Variants in PPP1R13B observed in about 807,000 individuals in gnomAD.
The protein encoded by PPP1R13B is protein phosphatase 1 regulatory subunit 13B.
In PPP1R13B, 44 loss-of-function variants were observed where a neutral mutation model predicts 119.8. That is an observed-to-expected ratio of 0.37 (90% confidence interval 0.29 to 0.47). The LOEUF is 0.47. PPP1R13B is among the 20% of genes least tolerant of loss of function. The pLI is 0.99. For missense variants in PPP1R13B, 1,227 were observed against 1,413.5 expected (o/e 0.87, Z 2.12); for synonymous variants, 542 against 561.5 (o/e 0.97, Z 0.49).
At chr14:103,741,386 G>A (rs1271724247) in intron 11 of PPP1R13B, among the ~76,000 whole-genome samples, 1 of 152,186 alleles carries the variant, frequency 6.6e-6, no homozygotes, top group African/African-American at 2.4e-5. Context: ...TCCTTAAACT[G>A]CCCATGCCCA....
chr14:103,821,078 T>C (rs1030105640), intron 1 of PPP1R13B, among the ~76,000 whole-genome samples: 1 of 152,150 alleles, frequency 6.6e-6, no homozygotes, highest in African/African-American at 2.4e-5. Context: ...TCCAACACTC[T>C]TTCCCCATTT....
At chr14:103,755,830 G>C (rs1264210143) in intron 5 of PPP1R13B, among the ~76,000 whole-genome samples, 1 of 152,116 alleles carries the variant, frequency 6.6e-6, no homozygotes, top group Non-Finnish European at 1.5e-5. Flanking sequence ...ATGGGATAAA[G>C]TACTTTCCAA....
At chr14:103,846,574 T>C (rs547294801) in intron 1 of PPP1R13B, among the ~76,000 whole-genome samples, 10 of 152,268 alleles carry the variant, frequency 6.6e-5, no homozygotes, top group African/African-American at 2.4e-4. Context: ...AAAAAGCCAA[T>C]TTTTAAAAAT....
At position 103,737,868 on chromosome 14, in the gene PPP1R13B, A is replaced by G; in HGVS notation, c.2865-8T>C. ...GCGCAGTGCAGCGGCGTCCTGGAAT[A>G]GAGCGTGGGTGAAGGTGCAGGCCTG... On this transcript the variant is annotated splice_polypyrimidine_tract_variant and splice_region_variant and intron_variant, in intron 14 of 16. Transcript: ENST00000202556. 1 of 1,611,890 alleles carries G rather than the reference A, an allele frequency of 6.2e-7. No individual in the cohort carries two copies. Among genetic ancestry groups the G allele is most frequent in the Non-Finnish European group, 8.5e-7 (1 of 1,178,930 alleles).
At chr14:103,795,422 G>A (rs1259650349) in intron 2 of PPP1R13B, among the ~76,000 whole-genome samples, 1 of 152,132 alleles carries the variant, frequency 6.6e-6, no homozygotes, top group African/African-American at 2.4e-5. Context: ...GTGACTCTGT[G>A]CTCCAGGGTG....
chr14:103,832,598 C>T (rs902699927), intron 1 of PPP1R13B, among the ~76,000 whole-genome samples: 1 of 152,216 alleles, frequency 6.6e-6, no homozygotes, highest in Non-Finnish European at 1.5e-5. Context: ...TAAGGGACTA[C>T]TCTCTTCAAC....
At chr14:103,831,542 C>T (rs1187400061) in intron 1 of PPP1R13B, among the ~76,000 whole-genome samples, 1 of 150,550 alleles carries the variant, frequency 6.6e-6, no homozygotes. Flanking sequence ...AACTCCTGAC[C>T]TCAAGTGATC....
chr14:103,756,105 T>C (rs1437628955), intron 5 of PPP1R13B, among the ~76,000 whole-genome samples: 1 of 152,082 alleles, frequency 6.6e-6, no homozygotes, highest in Non-Finnish European at 1.5e-5. Context: ...CTTTTTTTTT[T>C]TCATTTTGAG....
At position 103,767,012 on chromosome 14, in the gene PPP1R13B, T is replaced by C. The variant is rs534604333; in HGVS notation, c.355-9261A>G. ...AATGAGAACTCTATAGGCAACTCTT[T>C]ATTTTTGGAAGATTATGAGAAGTGA... On this transcript the variant is annotated intron_variant, in intron 4 of 16. Coordinates refer to ENST00000202556, the MANE Select transcript of PPP1R13B (RefSeq NM_015316.3). 3.3e-5 allele frequency among the ~76,000 whole-genome samples: 5 copies of C among 152,336 alleles called. No homozygotes were observed. The South Asian group carries it at 1.0e-3, about 32-fold the overall frequency.
intron 4 of PPP1R13B, among the ~76,000 whole-genome samples, chr14:103,764,649 A>G (rs2084895317): frequency 6.6e-6 from 1 of 152,092 alleles, no homozygotes; most frequent in Non-Finnish European, 1.5e-5. Context: ...AGATTTGTCT[A>G]TATGTGTTAA....
intron 1 of PPP1R13B, among the ~76,000 whole-genome samples, chr14:103,830,943 ATT>A (rs34201103): frequency 1.8e-3 from 250 of 142,324 alleles, no homozygotes; most frequent in African/African-American, 5.8e-3. Context: ...TACTCAAGTA[ATT>A]TTTTTTTTTT....
In PPP1R13B at chr14:103,738,789, G is replaced by A. The variant is rs374338383; in HGVS notation, c.2754C>T (p.Asn918=). The stretch of plus-strand genomic sequence containing the variant: ...TGTGCAGTGGGGTGATCCCTTCGTC[G>A]TTGGGCTTGCTGGGATCTTCCACCT... ...IYEVEDPSKP[N]DEGITPLHNA... is the part of the protein sequence containing the mutation. Residue 918 remains asparagine (N), a synonymous_variant, in exon 14 of 17, where the codon AAC becomes AAT. Transcript: ENST00000202556. The surrounding 1 kb of genome is among the most constrained non-coding windows in gnomAD (Gnocchi z 5.6). The A allele has an allele frequency of 7.6e-5, 122 of 1,614,054 alleles. No individual in the cohort carries two copies. The highest frequency in any genetic ancestry group is 9.5e-5 in the Non-Finnish European group (112 of 1,180,050).
At chr14:103,757,842 T>C in intron 4 of PPP1R13B, 91 bp from the exon 5 acceptor site, 3 of 1,040,086 alleles carry the variant, frequency 2.9e-6, no homozygotes, top group East Asian at 2.4e-5. Context: ...GGACTTTAGA[T>C]AGGATCCCTA....
intron 4 of PPP1R13B, among the ~76,000 whole-genome samples, chr14:103,766,597 T>G (rs1328501341): frequency 6.6e-6 from 1 of 152,210 alleles, no homozygotes. Context: ...CTAAATCATA[T>G]GAAAATACTG....
At chr14:103,824,124 C>T (rs887105578) in intron 1 of PPP1R13B, among the ~76,000 whole-genome samples, 34 of 136,072 alleles carry the variant, frequency 2.5e-4, no homozygotes, top group Non-Finnish European at 4.4e-4. Context: ...CGGCTCATTG[C>T]GACCTCCACC....
intron 1 of PPP1R13B, among the ~76,000 whole-genome samples, chr14:103,815,479 A>T (rs2086255891): frequency 6.6e-6 from 1 of 152,166 alleles, no homozygotes; most frequent in Non-Finnish European, 1.5e-5. Flanking sequence ...AACACAGGCT[A>T]GGCATGGTGG....
chr14:103,804,074 GT>G (rs1369570222), intron 1 of PPP1R13B: 10 of 983,980 alleles, frequency 1.0e-5, no homozygotes, highest in Non-Finnish European at 1.2e-5. Context: ...ATCTAAGTGT[GT>G]CTTAACTTGC....
intron 4 of PPP1R13B, chr14:103,762,749 T>C (rs1202530714): frequency 1.5e-6 from 1 of 679,474 alleles, no homozygotes; most frequent in Non-Finnish European, 2.7e-6. Flanking sequence ...CGGATGGGGG[T>C]GGAGGCGCTG....
chr14:103,817,780 A>G (rs2086314454), intron 1 of PPP1R13B, among the ~76,000 whole-genome samples: 1 of 152,186 alleles, frequency 6.6e-6, no homozygotes, highest in Admixed American at 6.5e-5. Flanking sequence ...GTCACTGCAG[A>G]CAGACTGGCG....
Sources: allele counts gnomAD v4.1 joint callset (sites outside exome capture counted in the v4.1 genomes callset), GRCh38; gene constraint gnomAD v4.1.1; non-coding constraint Gnocchi (gnomAD v3.1); transcripts MANE v1.5; gene names NCBI Gene and HGNC (gene_info 2026-07-23, HGNC 2026-07-21).